The following TMEM132C variants were observed in gnomAD, a reference collection of about 807,000 sequenced individuals.
TMEM132C encodes the protein transmembrane protein 132C, also known as protein phosphatase 1, regulatory subunit 152.
Under a neutral mutation model 61.4 loss-of-function variants are expected in TMEM132C, and 29 were observed. That is an observed-to-expected ratio of 0.47 (90% CI 0.35 to 0.64). The LOEUF (loss-of-function observed/expected upper bound fraction) is 0.64. Among genes scored for constraint, TMEM132C ranks in the 30% least tolerant of loss-of-function variants. The probability of loss-of-function intolerance (pLI) is 0.00; values close to 1 mark genes in which losing one functional copy is unlikely to be tolerated. For synonymous variants in TMEM132C, 656 were observed against 633.1 expected, an observed-to-expected ratio of 1.04 and a Z score of -0.54; for missense variants, 1,408 against 1,476.9, an observed-to-expected ratio of 0.95 and a Z score of 0.76.
At chr12:128,533,464 T>C (rs1873403862) in intron 2 of TMEM132C, among the ~76,000 whole-genome samples, 1 of 152,148 alleles carries the variant, frequency 6.6e-6, no homozygotes, top group African/African-American at 2.4e-5. Flanking sequence ...TCTCTCACAG[T>C]TCTGGAAGCT....
chr12:128,691,022 AC>A (rs1371288364), intron 5 of TMEM132C, among the ~76,000 whole-genome samples: 1 of 152,060 alleles, frequency 6.6e-6, no homozygotes, highest in Non-Finnish European at 1.5e-5. Flanking sequence ...GAGGCCACAG[AC>A]CCCCCAGAAG....
chr12:128,530,349 G>T (rs1200140925), intron 2 of TMEM132C, among the ~76,000 whole-genome samples: 2 of 152,154 alleles, frequency 1.3e-5, no homozygotes, highest in Non-Finnish European at 2.9e-5. Context: ...TGGACTGCCA[G>T]ATTCTGTGGT....
intron 2 of TMEM132C, among the ~76,000 whole-genome samples, chr12:128,426,898 C>T (rs1187484680): frequency 3.9e-5 from 6 of 152,116 alleles, no homozygotes; most frequent in Non-Finnish European, 7.3e-5. Context: ...ATTTAAGTGT[C>T]GTCTTAGTTT....
chr12:128,685,043 C>T (rs1440684216), intron 5 of TMEM132C, among the ~76,000 whole-genome samples: 1 of 152,146 alleles, frequency 6.6e-6, no homozygotes, highest in African/African-American at 2.4e-5. Flanking sequence ...GGTGGCCCCT[C>T]CAGGACAAGA....
rs573421437 is a variant in TMEM132C, at chr12:128,622,361, ATATATATATATATATATATATATAT to A, written c.1305+6027_1305+6051del. Among the ~76,000 whole-genome samples the A allele has an allele frequency of 1.3e-4, 5 of 38,174 alleles. No individual in the cohort carries two copies. In the East Asian group the frequency reaches 2.2e-3, roughly 17 times the overall value. The allele number at this position is 38,174 out of a possible 152,430, so 25.0% of individuals were successfully genotyped here. A position where few individuals can be genotyped will look rare whatever the true frequency, so the allele number is the denominator to read the frequency against. ...TTTGTCTCAAAAAAAAAAAAAAAAA[ATATATATATATATATATATATATAT>A]ATATATATATATATAACCAGGAAAC... On this transcript the variant is annotated intron_variant, in intron 4 of 8. Transcript: ENST00000435159.
chr12:128,705,378 G>A lies in TMEM132C; in HGVS notation c.2410G>A (p.Ala804Thr). The change falls in exon 9 of 9, where the codon GCT (alanine) becomes ACT (threonine). Residue 804 changes from alanine (A) to threonine (T), a missense_variant. By Grantham distance (58) the Ala-to-Thr change is moderately conservative (BLOSUM62 0). Transcript: ENST00000435159. The part of the protein sequence containing the change: ...NVRVKFGQND[A>T]DSSPGGDYEE... ...CAGGGTCAAGTTCGGACAGAACGAT[G>A]CTGACTCCAGCCCCGGCGGGGACTA... The A allele has an allele frequency of 1.3e-6, 2 of 1,551,326 alleles. No homozygotes were observed. The highest frequency in any genetic ancestry group is 2.4e-5 in the South Asian group (2 of 84,066).
Position 128,705,782 on chromosome 12 carries a change from C to G in TMEM132C, c.2814C>G (p.Ile938Met), listed in dbSNP as rs1018380543. The change falls in exon 9 of 9, where the codon ATC (isoleucine) becomes ATG (methionine). Residue 938 changes from isoleucine to methionine, a missense_variant. Transcript: ENST00000435159. Reference protein sequence around the residue: ...YALLGVFCLAILVFLINCATF... With the variant: ...YALLGVFCLAMLVFLINCATF... ...TCCTGGGGGTGTTCTGCCTGGCCAT[C>G]CTCGTCTTCCTGATCAACTGCGCCA... 9 of 1,551,642 alleles carry G rather than the reference C, an allele frequency of 5.8e-6. 1 individual carries two copies. The highest frequency in any genetic ancestry group is 1.7e-4 in the Middle Eastern group (1 of 5,992).
intron 3 of TMEM132C, among the ~76,000 whole-genome samples, chr12:128,595,384 C>A (rs1875908744): frequency 6.6e-6 from 1 of 152,146 alleles, no homozygotes; most frequent in African/African-American, 2.4e-5. Context: ...AGTGTTGGTG[C>A]CAAATACTAC....
chr12:128,678,558 C>T (rs1200039789), intron 5 of TMEM132C, among the ~76,000 whole-genome samples: 1 of 152,234 alleles, frequency 6.6e-6, no homozygotes, highest in East Asian at 1.9e-4. Flanking sequence ...ACGCAGTCAT[C>T]CATCTCAAGC....
At position 128,476,739 on chromosome 12, in the gene TMEM132C, C is replaced by G. The variant is rs142075299; in HGVS notation, c.974+61119C>G. ...TGCAGAAAATACTTGGGCCTCACCC[C>G]CTGGCCAGTAAATGTTTGATCTGTG... On this transcript the variant is annotated intron_variant, in intron 2 of 8. Transcript: ENST00000435159. Among the ~76,000 whole-genome samples, 189 of 152,270 alleles carry G rather than the reference C, an allele frequency of 1.2e-3. 1 individual carries two copies. The highest frequency in any genetic ancestry group is 4.4e-3 in the African/African-American group (182 of 41,550).
intron 3 of TMEM132C, among the ~76,000 whole-genome samples, chr12:128,613,481 A>G (rs1036773715): frequency 2.6e-5 from 4 of 152,182 alleles, no homozygotes; most frequent in African/African-American, 7.2e-5. Flanking sequence ...GACCAAGAAC[A>G]CATCTCTTAG....
At chr12:128,649,131 T>C (rs1260886639) in intron 4 of TMEM132C, among the ~76,000 whole-genome samples, 5 of 152,230 alleles carry the variant, frequency 3.3e-5, no homozygotes, top group African/African-American at 1.2e-4. Context: ...CTCGTGGTGA[T>C]TTATCAGCAG....
At chr12:128,470,190 C>T (rs941153635) in intron 2 of TMEM132C, among the ~76,000 whole-genome samples, 25 of 152,174 alleles carry the variant, frequency 1.6e-4, no homozygotes, top group East Asian at 3.9e-4. Context: ...TTCATTTTTG[C>T]GGGGTGATAA....
At chr12:128,489,511 G>T (rs1871632878) in intron 2 of TMEM132C, among the ~76,000 whole-genome samples, 1 of 150,804 alleles carries the variant, frequency 6.6e-6, no homozygotes, top group Non-Finnish European at 1.5e-5. Context: ...CAGACTACTT[G>T]TGAGATTTAA....
At chr12:128,606,138 G>T (rs1001348484) in intron 3 of TMEM132C, among the ~76,000 whole-genome samples, 1 of 152,220 alleles carries the variant, frequency 6.6e-6, no homozygotes, top group Non-Finnish European at 1.5e-5. Context: ...CTCAGCAACT[G>T]CACTTCCTGA....
At chr12:128,636,670 A>G (rs113997755) in intron 4 of TMEM132C, among the ~76,000 whole-genome samples, 6,274 of 151,758 alleles carry the variant, frequency 0.041, 429 homozygotes, top group African/African-American at 0.14. Flanking sequence ...ACACCCTATT[A>G]TTAATACAGA....
chr12:128,690,435 A>G (rs1566016270), intron 5 of TMEM132C, among the ~76,000 whole-genome samples: 1 of 152,154 alleles, frequency 6.6e-6, no homozygotes, highest in Non-Finnish European at 1.5e-5. Flanking sequence ...TGACACCTTC[A>G]GGAATAGCAG....
chr12:128,610,666 C>T (rs1009823472), intron 3 of TMEM132C, among the ~76,000 whole-genome samples: 1 of 152,142 alleles, frequency 6.6e-6, no homozygotes, highest in Non-Finnish European at 1.5e-5. Flanking sequence ...GACTCTTGGT[C>T]CCTTCAAGGC....
At chr12:128,533,931 C>T (rs1221277382) in intron 2 of TMEM132C, among the ~76,000 whole-genome samples, 3 of 144,922 alleles carry the variant, frequency 2.1e-5, no homozygotes, top group African/African-American at 7.6e-5. Context: ...CACACATGCT[C>T]CTCACACATG....
Sources: gnomAD v4.1 joint callset for allele counts (sites outside exome capture counted in the v4.1 genomes callset) on GRCh38, gnomAD v4.1.1 for gene constraint, MANE v1.5 for transcripts, NCBI Gene and HGNC (gene_info 2026-07-23, HGNC 2026-07-21) for gene names.